The following CYP51A1 variants were observed in gnomAD, a reference collection of about 807,000 sequenced individuals.
CYP51A1 encodes lanosterol 14-alpha demethylase.
In CYP51A1, 45 loss-of-function variants were observed where a neutral mutation model predicts 53.5. That is an observed-to-expected ratio of 0.84 (90% CI 0.66 to 1.08). CYP51A1 has a LOEUF of 1.08. CYP51A1 is among the 50% of genes least tolerant of loss of function. The probability of loss-of-function intolerance (pLI) is 0.00; values close to 1 mark genes in which losing one functional copy is unlikely to be tolerated. For synonymous variants in CYP51A1, 181 were observed against 217.7 expected (o/e 0.83, Z 1.48); for missense variants, 462 against 621.7 (o/e 0.74, Z 2.73).
intron 5 of CYP51A1, among the ~76,000 whole-genome samples, chr7:92,125,144 C>CAAAAAAAA (rs1232943204): frequency 1.5e-5 from 1 of 67,134 alleles, no homozygotes; most frequent in African/African-American, 5.0e-5. Context: ...ACTCCATCAC[C>CAAAAAAAA]AAAAAAAAAA....
rs312262914 is a variant in CYP51A1, at chr7:92,127,393, T to C, written c.595+112A>G. 5.3e-5 allele frequency: 49 copies of C among 933,162 alleles called. No individual in the cohort carries two copies. The Admixed American group carries it at 7.7e-4, about 15-fold the overall frequency. The allele number at this position is 933,162 out of a possible 1,614,324, so 57.8% of individuals were successfully genotyped here. Reference sequence around the variant, plus strand: ...ACATAACCCTCCCATAAATCTAAGGTAGTTTTACATACACTGTAATTTGTT... The same window carrying C: ...ACATAACCCTCCCATAAATCTAAGGCAGTTTTACATACACTGTAATTTGTT... On this transcript the variant is annotated intron_variant, in intron 4 of 9. Transcript: ENST00000003100.
intron 4 of CYP51A1, among the ~76,000 whole-genome samples, chr7:92,126,853 C>T (rs146233190): frequency 6.6e-6 from 1 of 152,106 alleles, no homozygotes; most frequent in African/African-American, 2.4e-5. Flanking sequence ...GAATTACTGG[C>T]GATATGTAAA....
intron 1 of CYP51A1, among the ~76,000 whole-genome samples, chr7:92,132,809 TA>T (rs778670921): frequency 3.3e-5 from 5 of 152,178 alleles, no homozygotes; most frequent in African/African-American, 7.2e-5. Flanking sequence ...GCATTCTTCA[TA>T]AAAGTTTCTT....
chr7:92,134,294 A>T lies in CYP51A1; in HGVS notation c.71T>A (p.Met24Lys). 2 of 1,611,258 alleles carry T rather than the reference A, an allele frequency of 1.2e-6. No homozygotes were observed. Among genetic ancestry groups the T allele is most frequent in the Non-Finnish European group, 1.7e-6 (2 of 1,178,772 alleles). The part of the protein sequence containing the change: ...QAGGSVLGQA[M>K]EKVTGGNLLS... ...GAGGTTGCCGCCTGTCACCTTCTCC[A>T]TCGCCTGGCCCAGCACCGACCCACC... is the stretch of plus-strand genomic sequence containing the variant. The change falls in exon 1 of 10, where the codon ATG becomes AAG. Residue 24 changes from methionine to lysine, a missense_variant. Met to Lys is a moderately conservative substitution (Grantham distance 95). Transcript: ENST00000003100.
intron 1 of CYP51A1, among the ~76,000 whole-genome samples, chr7:92,132,517 T>C (rs1388998286): frequency 2.6e-5 from 4 of 152,210 alleles, no homozygotes; most frequent in Non-Finnish European, 4.4e-5. Flanking sequence ...TACACTTGGC[T>C]GAATTCCCAA....
chr7:92,128,879 C>T lies in CYP51A1; in HGVS notation c.468+1G>A, dbSNP rs1428148004. On this transcript the variant is annotated splice_donor_variant, in intron 3 of 9. Transcript: ENST00000003100. LOFTEE classifies it high-confidence loss of function. Reference sequence around the variant, plus strand: ...TTATTTATGGTAACAGTGTCACCTACTGGATTAGGCACATCGTATGCAACT... The same window carrying T: ...TTATTTATGGTAACAGTGTCACCTATTGGATTAGGCACATCGTATGCAACT... 1.2e-5 allele frequency: 19 copies of T among 1,608,522 alleles called. No individual in the cohort carries two copies. The highest frequency in any genetic ancestry group is 1.6e-5 in the Non-Finnish European group (19 of 1,178,168).
chr7:92,125,075 C>T (rs914497165), intron 5 of CYP51A1, among the ~76,000 whole-genome samples: 2 of 143,242 alleles, frequency 1.4e-5, no homozygotes, highest in African/African-American at 5.3e-5. Flanking sequence ...ACCTGGGAAG[C>T]AGAGCTTGCA....
In CYP51A1 at chr7:92,123,317, T is replaced by C; in HGVS notation, c.891-2A>G. On this transcript the variant is annotated splice_acceptor_variant, in intron 6 of 9. Transcript: ENST00000003100. LOFTEE classifies it high-confidence loss of function. ...TCATCAGTCAAAGGACGCCCATCCCTAAGGAATGAACCAAAGACACAAATT... is the reference window on the plus strand; with the variant it reads ...TCATCAGTCAAAGGACGCCCATCCCCAAGGAATGAACCAAAGACACAAATT... The C allele has an allele frequency of 2.5e-6, 4 of 1,608,496 alleles. No homozygotes were observed. The highest frequency in any genetic ancestry group is 3.4e-6 in the Non-Finnish European group (4 of 1,177,268).
In CYP51A1 at chr7:92,129,034, G is replaced by C. The variant is rs750608351; in HGVS notation, c.314C>G (p.Thr105Ser). 2.5e-6 allele frequency: 4 copies of C among 1,612,602 alleles called. No homozygotes were observed. The highest frequency in any genetic ancestry group is 3.4e-6 in the Non-Finnish European group (4 of 1,179,334). Residue 105 changes from threonine (T) to serine (S), a missense_variant, in exon 3 of 10, where the codon ACC (threonine) becomes AGC (serine). Coordinates refer to ENST00000003100, the MANE Select transcript of CYP51A1 (RefSeq NM_000786.4). ...YEKYGPVFSFTMVGKTFTYLL... is the reference protein window; with the variant it reads ...YEKYGPVFSFSMVGKTFTYLL... ...GTAAGTAAATGTCTTGCCTACCATG[G>C]TAAAACTAAATACAGGTCCATACTA...
intron 7 of CYP51A1, 138 bp from the exon 8 acceptor site, chr7:92,118,753 G>A: frequency 1.7e-6 from 1 of 604,332 alleles, no homozygotes. Context: ...AGGGTGGCTG[G>A]GGTTATCATG....
rs537249006 is a variant in CYP51A1, at chr7:92,128,443, T to A, written c.468+437A>T. On this transcript the variant is annotated intron_variant, in intron 3 of 9. Coordinates refer to ENST00000003100, the MANE Select transcript of CYP51A1 (RefSeq NM_000786.4). ...TGGTTGGTTTCTGTGTGTGTGTGTG[T>A]GTGTGTGTGTGTGCGCGTGCGTGTG... Among the ~76,000 whole-genome samples, 469 of 147,488 alleles carry A rather than the reference T, an allele frequency of 3.2e-3. 2 individuals are homozygous for A. The highest frequency in any genetic ancestry group is 4.8e-3 in the Non-Finnish European group (321 of 67,154).
chr7:92,113,639 C>T lies in CYP51A1; in HGVS notation c.*26G>A. 1 of 1,604,938 alleles carries T rather than the reference C, an allele frequency of 6.2e-7. No individual in the cohort carries two copies. Among genetic ancestry groups the T allele is most frequent in the Non-Finnish European group, 8.5e-7 (1 of 1,174,294 alleles). On this transcript the variant is annotated 3_prime_UTR_variant, in exon 10 of 10. Transcript: ENST00000003100. ...CCTTTGTGGCTTACAGTGATAATCA[C>T]ATATATTCGTTCCTTGCAACCTTTT...
In CYP51A1 at chr7:92,134,262, T is replaced by G. The variant is rs1278131014; in HGVS notation, c.103A>C (p.Met35Leu). The part of the protein sequence containing the change: ...EKVTGGNLLS[M>L]LLIACAFTLS... Reference sequence around the variant, plus strand: ...GTGAAGGCGCAGGCGATCAGCAGCATGGACAAGAGGTTGCCGCCTGTCACC... The same window carrying G: ...GTGAAGGCGCAGGCGATCAGCAGCAGGGACAAGAGGTTGCCGCCTGTCACC... The change falls in exon 1 of 10, where the codon ATG becomes CTG. Residue 35 changes from methionine (M) to leucine (L), a missense_variant. Physicochemically the swap from Met to Leu is conservative, Grantham distance 15. Coordinates refer to ENST00000003100, the MANE Select transcript of CYP51A1 (RefSeq NM_000786.4). The G allele has an allele frequency of 5.0e-6, 8 of 1,613,222 alleles. No homozygotes were observed. The South Asian group carries it at 8.8e-5, about 18-fold the overall frequency.
chr7:92,119,502 A>G (rs1312566812), intron 7 of CYP51A1, among the ~76,000 whole-genome samples: 1 of 152,140 alleles, frequency 6.6e-6, no homozygotes, highest in African/African-American at 2.4e-5. Context: ...CTCTGTCCAA[A>G]TATTAGATGC....
Position 92,118,345 on chromosome 7 carries a change from T to C in CYP51A1, c.1182+175A>G, listed in dbSNP as rs73407547. On this transcript the variant is annotated intron_variant, in intron 8 of 9. Coordinates refer to ENST00000003100, the MANE Select transcript of CYP51A1 (RefSeq NM_000786.4). ...ATTTTTAGAAAAAATTTTGTAGAGA[T>C]GAGGTCAGTCTCACTATGTTGCCCA... is the stretch of plus-strand genomic sequence containing the variant. Among the ~76,000 whole-genome samples, 5,118 of 152,124 alleles carry C rather than the reference T, an allele frequency of 0.034. 253 individuals carry two copies. Among genetic ancestry groups the C allele is most frequent in the African/African-American group, 0.11 (4,653 of 41,482 alleles).
intron 3 of CYP51A1, 114 bp downstream of exon 3, chr7:92,128,766 G>A: frequency 1.0e-6 from 1 of 984,336 alleles, no homozygotes; most frequent in East Asian, 2.7e-5. Flanking sequence ...TGGGATTACA[G>A]GAATGAGCCA....
chr7:92,131,697 C>T (rs1041008365), intron 2 of CYP51A1, 77 bp downstream of exon 2: 3 of 752,956 alleles, frequency 4.0e-6, no homozygotes, highest in Non-Finnish European at 6.6e-6. Context: ...AAATGTTCTG[C>T]CACTTTTTTA....
rs1047007421 is a variant in CYP51A1 at position 92,129,070 on chromosome 7, A to T, written c.292-14T>A. 6.4e-7 allele frequency: 1 copy of T among 1,568,968 alleles called. No individual in the cohort carries two copies. Among genetic ancestry groups the T allele is most frequent in the Non-Finnish European group, 8.7e-7 (1 of 1,152,496 alleles). Reference sequence around the variant, plus strand: ...TACAGGTCCATACTAAAAAGAGAAAAGTACATATAGTGATGTTACAAAAAA... The same window carrying T: ...TACAGGTCCATACTAAAAAGAGAAATGTACATATAGTGATGTTACAAAAAA... On this transcript the variant is annotated splice_polypyrimidine_tract_variant and intron_variant, in intron 2 of 9. Transcript: ENST00000003100.
At chr7:92,125,162 A>AAAG (rs1455446833) in intron 5 of CYP51A1, among the ~76,000 whole-genome samples, 2 of 151,826 alleles carry the variant, frequency 1.3e-5, no homozygotes, top group Non-Finnish European at 2.9e-5. Context: ...AAAAAAAAAA[A>AAAG]AAGAAATGCA....
Sources: gnomAD v4.1 joint callset for allele counts (sites outside exome capture counted in the v4.1 genomes callset) on GRCh38, gnomAD v4.1.1 for gene constraint, MANE v1.5 for transcripts, NCBI Gene and HGNC (gene_info 2026-07-23, HGNC 2026-07-21) for gene names.